Variants in PCDHGB3 observed in about 807,000 individuals in gnomAD.
PCDHGB3 encodes protocadherin gamma subfamily B, 3, also known as protocadherin gamma-B3.
A neutral mutation model predicts 59.2 loss-of-function variants in PCDHGB3; 40 were observed. The observed-to-expected ratio is 0.68, with a 90% confidence interval of 0.52 to 0.88. PCDHGB3 has a LOEUF of 0.88. Ranked by LOEUF, PCDHGB3 falls within the 40% of genes least tolerant of loss-of-function variation. PCDHGB3 has a pLI of 0.00. For synonymous variants in PCDHGB3, 581 were observed against 503.6 expected, an observed-to-expected ratio of 1.15 and a Z score of -2.06; for missense variants, 1,309 against 1,187.9, an observed-to-expected ratio of 1.10 and a Z score of -1.50.
At chr5:141,423,874 A>T (rs1264795133) in intron 1 of PCDHGB3, 2 of 1,283,268 alleles carry the variant, frequency 1.6e-6, no homozygotes, top group African/African-American at 3.1e-5. Flanking sequence ...GTCATTTTTC[A>T]ATCTTGGCAT....
At chr5:141,467,064 T>C (rs1289790911) in intron 1 of PCDHGB3, among the ~76,000 whole-genome samples, 2 of 151,724 alleles carry the variant, frequency 1.3e-5, no homozygotes, top group Middle Eastern at 3.2e-3. Context: ...TCTTTTTTTT[T>C]TTTTTTTAGA....
chr5:141,482,995 G>A (rs1395482427), intron 1 of PCDHGB3, among the ~76,000 whole-genome samples: 1 of 152,048 alleles, frequency 6.6e-6, no homozygotes, highest in Non-Finnish European at 1.5e-5. Flanking sequence ...CGAGGCAGGA[G>A]AATTGCTTGA....
At position 141,490,524 on chromosome 5, in the gene PCDHGB3, T is replaced by C. The variant is rs1197866164; in HGVS notation, c.2416-4283T>C. The C allele has an allele frequency of 1.2e-6, 2 of 1,613,990 alleles. No homozygotes were observed. Among genetic ancestry groups the C allele is most frequent in the Non-Finnish European group, 1.7e-6 (2 of 1,180,018 alleles). On this transcript the variant is annotated intron_variant, in intron 1 of 3. Transcript: ENST00000576222. The surrounding 1 kb of genome is among the most constrained non-coding windows in gnomAD (Gnocchi z 5.4). ...ATATCATCGAGCTGCTGGCCAGCGA[T>C]GCTGGTTCACCTTCCCTACACAAAC...
At chr5:141,449,837 T>A (rs917239289) in intron 1 of PCDHGB3, among the ~76,000 whole-genome samples, 3 of 151,742 alleles carry the variant, frequency 2.0e-5, no homozygotes, top group Non-Finnish European at 4.4e-5. Context: ...TTCTTTTATA[T>A]AATTAAATTT....
intron 1 of PCDHGB3, chr5:141,384,537 G>A: frequency 1.2e-6 from 2 of 1,614,248 alleles, no homozygotes; most frequent in Non-Finnish European, 1.7e-6. Flanking sequence ...GCAGCAACAT[G>A]TCACTGAGCC....
intron 3 of PCDHGB3, among the ~76,000 whole-genome samples, chr5:141,506,567 T>G (rs2099855029): frequency 6.6e-6 from 1 of 152,182 alleles, no homozygotes; most frequent in Non-Finnish European, 1.5e-5. Flanking sequence ...CCCCCTCGGT[T>G]TCACTTACTA....
rs115001531 is a variant in PCDHGB3, at chr5:141,495,385, G to A, written c.2474+520G>A. Among the ~76,000 whole-genome samples the A allele has an allele frequency of 2.2e-3, 339 of 152,328 alleles. 1 individual carries two copies. Among genetic ancestry groups the A allele is most frequent in the African/African-American group, 7.9e-3 (329 of 41,590 alleles). ...AGGTGGAACTGAGGAAGGACTGGGC[G>A]GGGCATGGAGCAGGCCCCCTTCTCC... On this transcript the variant is annotated intron_variant, in intron 2 of 3. Transcript: ENST00000576222.
At chr5:141,502,953 C>G (rs145774277) in intron 2 of PCDHGB3, among the ~76,000 whole-genome samples, 1,594 of 147,762 alleles carry the variant, frequency 0.011, 24 homozygotes, top group African/African-American at 0.037. Context: ...AAGCGATTCT[C>G]CTGCCTCAGC....
chr5:141,494,996 C>A (rs2099758091), intron 2 of PCDHGB3, 131 bp downstream of exon 2: 2 of 1,539,742 alleles, frequency 1.3e-6, no homozygotes, highest in African/African-American at 1.4e-5. Context: ...CCAGGGAGGT[C>A]TTGGTGTGCG....
At chr5:141,381,445 G>C (rs1777202904) in intron 1 of PCDHGB3, among the ~76,000 whole-genome samples, 1 of 152,248 alleles carries the variant, frequency 6.6e-6, no homozygotes. Context: ...TGTCAGGACA[G>C]TCCTGCATTT....
At chr5:141,395,196 G>T (rs1431851304) in intron 1 of PCDHGB3, 1 of 1,613,948 alleles carries the variant, frequency 6.2e-7, no homozygotes, top group Non-Finnish European at 8.5e-7. Context: ...GTTAACATCC[G>T]TAGATTTTCA....
Position 141,490,637 on chromosome 5 carries a change from A to C in PCDHGB3, c.2416-4170A>C. ...CTTTACACTGCTTACATCCTAGAAA[A>C]CCGGCCTCCGGGCTCCCTTCTTTGC... is the stretch of plus-strand genomic sequence containing the variant. On this transcript the variant is annotated intron_variant, in intron 1 of 3. Coordinates refer to ENST00000576222, the MANE Select transcript of PCDHGB3 (RefSeq NM_018924.5). This position sits in a 1 kb window ranked among gnomAD's most constrained non-coding sequence, Gnocchi z 5.4. 1 of 1,614,108 alleles carries C rather than the reference A, an allele frequency of 6.2e-7. No individual in the cohort carries two copies. Among genetic ancestry groups the C allele is most frequent in the Non-Finnish European group, 8.5e-7 (1 of 1,179,992 alleles).
chr5:141,422,539 C>G, intron 1 of PCDHGB3: 1 of 1,613,994 alleles, frequency 6.2e-7, no homozygotes, highest in Non-Finnish European at 8.5e-7. Flanking sequence ...TGCAGAAACT[C>G]ATGTCTGGCT....
chr5:141,371,158 T>C lies in PCDHGB3; in HGVS notation c.764T>C (p.Leu255Pro). The C allele has an allele frequency of 6.2e-7, 1 of 1,614,040 alleles. No homozygotes were observed. The highest frequency in any genetic ancestry group is 8.5e-7 in the Non-Finnish European group (1 of 1,179,904). The change falls in exon 1 of 4, where the codon CTG becomes CCG. Residue 255 changes from leucine (L) to proline (P), a missense_variant. Coordinates refer to ENST00000576222, the MANE Select transcript of PCDHGB3 (RefSeq NM_018924.5). ...DMYRVNVAEN[L>P]PAGSSVLKVM... is the part of the protein sequence containing the mutation. ...TACAGGGTCAATGTTGCAGAGAACCTGCCCGCTGGCTCCTCCGTATTAAAA... is the reference window on the plus strand; with the variant it reads ...TACAGGGTCAATGTTGCAGAGAACCCGCCCGCTGGCTCCTCCGTATTAAAA...
At chr5:141,475,889 T>C in intron 1 of PCDHGB3, 1 of 562,248 alleles carries the variant, frequency 1.8e-6, no homozygotes, top group Non-Finnish European at 3.1e-6. Context: ...GCTGGGACTC[T>C]GTGTGCCGCT....
intron 1 of PCDHGB3, among the ~76,000 whole-genome samples, chr5:141,467,882 C>T (rs1278937609): frequency 6.6e-6 from 1 of 152,036 alleles, no homozygotes; most frequent in East Asian, 1.9e-4. Context: ...TGGTCTCAAA[C>T]TCCTGAGCTC....
At position 141,375,804 on chromosome 5, in the gene PCDHGB3, G is replaced by A. The variant is rs375695435; in HGVS notation, c.2415+2995G>A. 1,032 of 1,614,192 alleles carry A rather than the reference G, an allele frequency of 6.4e-4. 20 individuals carry two copies. In the South Asian group the frequency reaches 0.011, roughly 17 times the overall value. ...GCCCTCCCCACAGACGGTTCCACTG[G>A]CGTGGAGCTGGCGCCCCGCTCCGCA... On this transcript the variant is annotated intron_variant, in intron 1 of 3. Coordinates refer to ENST00000576222, the MANE Select transcript of PCDHGB3 (RefSeq NM_018924.5).
intron 1 of PCDHGB3, among the ~76,000 whole-genome samples, chr5:141,425,694 A>G (rs1006103007): frequency 6.6e-6 from 1 of 152,240 alleles, no homozygotes; most frequent in Non-Finnish European, 1.5e-5. Context: ...ATATCATTTC[A>G]TAGTGGTCAA....
intron 1 of PCDHGB3, chr5:141,375,284 TATTATCGATTAGTGACAA>T: frequency 3.1e-6 from 5 of 1,613,832 alleles, no homozygotes; most frequent in Non-Finnish European, 4.2e-6. Context: ...AGTTGGCAAT[TATTATCGATTAGTGACAA>T]ATGCAGCTCT....
Sources: allele counts gnomAD v4.1 joint callset (sites outside exome capture counted in the v4.1 genomes callset), GRCh38; gene constraint gnomAD v4.1.1; non-coding constraint Gnocchi (gnomAD v3.1); transcripts MANE v1.5; gene names NCBI Gene and HGNC (gene_info 2026-07-23, HGNC 2026-07-21).